PCDHA9: variants seen among roughly 807,000 people sequenced by gnomAD.
PCDHA9 encodes the protein protocadherin alpha 9.
A neutral mutation model predicts 62.0 loss-of-function variants in PCDHA9; 62 were observed. The ratio of observed to expected loss-of-function variants is 1.00; its 90% confidence interval spans 0.81 to 1.23. The LOEUF is 1.23. PCDHA9 is among the 50% of genes most tolerant of loss of function. The pLI is 0.00. For missense variants in PCDHA9, 1,205 were observed against 1,249.8 expected, an observed-to-expected ratio of 0.96 and a Z score of 0.54; for synonymous variants, 557 against 567.6, an observed-to-expected ratio of 0.98 and a Z score of 0.27.
intron 1 of PCDHA9, among the ~76,000 whole-genome samples, chr5:140,978,200 C>T (rs2096792236): frequency 6.6e-6 from 1 of 152,220 alleles, no homozygotes. Context: ...TTTCAATACA[C>T]AACTAATGCA....
chr5:140,853,384 C>G, intron 1 of PCDHA9: 1 of 985,584 alleles, frequency 1.0e-6, no homozygotes, highest in African/African-American at 1.8e-5. Context: ...AAATTCAAAA[C>G]AGCCTGTCAA....
At chr5:140,909,961 A>G (rs1407330494) in intron 1 of PCDHA9, among the ~76,000 whole-genome samples, 2 of 152,206 alleles carry the variant, frequency 1.3e-5, no homozygotes, top group Non-Finnish European at 2.9e-5. Flanking sequence ...GTAGGTCTCC[A>G]TGGGGAAGGA....
At chr5:140,923,664 T>C (rs898223251) in intron 1 of PCDHA9, among the ~76,000 whole-genome samples, 1 of 152,234 alleles carries the variant, frequency 6.6e-6, no homozygotes, top group Non-Finnish European at 1.5e-5. Context: ...CTTTGGGATA[T>C]CGTTCTCTCT....
At chr5:140,965,876 C>T (rs1416182822) in intron 1 of PCDHA9, among the ~76,000 whole-genome samples, 1 of 152,152 alleles carries the variant, frequency 6.6e-6, no homozygotes, top group African/African-American at 2.4e-5. Flanking sequence ...GCCACTTGGC[C>T]GAGAGCAGAA....
rs1366939358 is a variant in PCDHA9, at chr5:140,850,731, G to A, written c.2236G>A (p.Gly746Arg). The A allele has an allele frequency of 1.9e-6, 3 of 1,597,906 alleles. No homozygotes were observed. Among genetic ancestry groups the A allele is most frequent in the Non-Finnish European group, 2.6e-6 (3 of 1,167,644 alleles). The change falls in exon 1 of 4, where the codon GGG becomes AGG. Residue 746 changes from glycine to arginine, a missense_variant. Gly to Arg is a moderately radical substitution (Grantham distance 125, BLOSUM62 -2). Transcript: ENST00000532602. The part of the protein sequence containing the change: ...KPTLVCSSAV[G>R]SWSYSQQRRQ... ...GACGCTGGTGTGTTCTAGCGCGGTG[G>A]GGAGTTGGTCGTACTCGCAGCAGAG...
chr5:141,002,689 T>C (rs2098092113), intron 3 of PCDHA9, among the ~76,000 whole-genome samples: 1 of 152,186 alleles, frequency 6.6e-6, no homozygotes, highest in African/African-American at 2.4e-5. Context: ...GACGTGCAGA[T>C]TTGTTTAACT....
Position 141,000,418 on chromosome 5 carries a change from TA to T in PCDHA9, c.2543-9208del, listed in dbSNP as rs1328416600. 5.1e-3 allele frequency among the ~76,000 whole-genome samples: 429 copies of T among 83,548 alleles called. 3 individuals carry two copies. The highest frequency in any genetic ancestry group is 6.3e-3 in the Non-Finnish European group (284 of 45,190). 54.8% of individuals were successfully genotyped at this position (83,548 alleles called of 152,430 possible). A position where few individuals can be genotyped will look rare whatever the true frequency, so the allele number is the denominator to read the frequency against. ...CTCTATATATATATATATATATATA[TA>T]TATTTTTTTTTTTTTTTTTTTTTTT... On this transcript the variant is annotated intron_variant, in intron 3 of 3. Transcript: ENST00000532602.
chr5:140,982,701 T>C, intron 3 of PCDHA9, 138 bp downstream of exon 3: 1 of 1,383,086 alleles, frequency 7.2e-7, no homozygotes, highest in South Asian at 1.6e-5. Flanking sequence ...CATACATGAT[T>C]TCCTTACATA....
chr5:140,994,568 G>T (rs1240135648), intron 3 of PCDHA9, among the ~76,000 whole-genome samples: 1 of 151,992 alleles, frequency 6.6e-6, no homozygotes, highest in Non-Finnish European at 1.5e-5. Context: ...AGCCGGGTGT[G>T]GTGGCATGCA....
chr5:140,980,490 C>T (rs185528514), intron 2 of PCDHA9, among the ~76,000 whole-genome samples: 39 of 152,096 alleles, frequency 2.6e-4, no homozygotes, highest in Admixed American at 4.6e-4. Context: ...ATTAGCTGGG[C>T]GTGATGGCAT....
chr5:140,876,976 C>A (rs782283591), intron 1 of PCDHA9: 2 of 1,612,586 alleles, frequency 1.2e-6, no homozygotes, highest in Admixed American at 1.7e-5. Context: ...GGTGGGCGAG[C>A]ACGCACTGTC....
intron 1 of PCDHA9, among the ~76,000 whole-genome samples, chr5:140,854,895 C>T (rs565255235): frequency 1.1e-4 from 16 of 149,404 alleles, no homozygotes; most frequent in African/African-American, 3.7e-4. Flanking sequence ...ATTTGAAAAG[C>T]GTAAATATAA....
In PCDHA9 at chr5:140,848,592, T is replaced by C; in HGVS notation, c.97T>C (p.Tyr33His). The C allele has an allele frequency of 6.3e-7, 1 of 1,594,614 alleles. No individual in the cohort carries two copies. The highest frequency in any genetic ancestry group is 8.6e-7 in the Non-Finnish European group (1 of 1,164,738). Residue 33 changes from tyrosine (Y) to histidine (H), a missense_variant, in exon 1 of 4, where the codon TAC (tyrosine) becomes CAC (histidine). Physicochemically the swap from Tyr to His is moderately conservative, Grantham distance 83. This residue lies in a region of PCDHA9 where 208 missense variants were observed against 213.2 expected (regional missense o/e 0.98). Transcript: ENST00000532602. Reference sequence around the variant, plus strand: ...GGTGGTGGGGAGCGGCCAGCTCCACTACTCCGTCCCGGAGGAAGCCGAACA... The same window carrying C: ...GGTGGTGGGGAGCGGCCAGCTCCACCACTCCGTCCCGGAGGAAGCCGAACA... ...MWVVGSGQLH[Y>H]SVPEEAEHGT... is the part of the protein sequence containing the mutation.
At chr5:140,928,890 CTT>C in intron 1 of PCDHA9, 1 of 1,614,182 alleles carries the variant, frequency 6.2e-7, no homozygotes, top group South Asian at 1.1e-5. Context: ...TACTTCCAGA[CTT>C]TGAAGATGTC....
intron 1 of PCDHA9, among the ~76,000 whole-genome samples, chr5:140,917,068 G>A (rs2077864221): frequency 6.6e-6 from 1 of 152,066 alleles, no homozygotes; most frequent in African/African-American, 2.4e-5. Flanking sequence ...CGACAGCACC[G>A]AGTTTAATGT....
intron 1 of PCDHA9, among the ~76,000 whole-genome samples, chr5:140,901,039 A>G (rs1317910770): frequency 4.6e-5 from 7 of 152,086 alleles, no homozygotes; most frequent in Non-Finnish European, 8.8e-5. Flanking sequence ...TCTTTTGCCC[A>G]TTTTAAAATT....
At chr5:140,923,785 C>T (rs2081509867) in intron 1 of PCDHA9, among the ~76,000 whole-genome samples, 1 of 152,156 alleles carries the variant, frequency 6.6e-6, no homozygotes, top group African/African-American at 2.4e-5. Flanking sequence ...ATGGTTTCTT[C>T]ATTCTTTTCA....
Position 140,978,929 on chromosome 5 carries a change from C to T in PCDHA9, c.2395-20C>T. 6.2e-7 allele frequency: 1 copy of T among 1,613,998 alleles called. No homozygotes were observed. Among genetic ancestry groups the T allele is most frequent in the Non-Finnish European group, 8.5e-7 (1 of 1,179,996 alleles). On this transcript the variant is annotated intron_variant, in intron 1 of 3. Coordinates refer to ENST00000532602, the MANE Select transcript of PCDHA9 (RefSeq NM_031857.2). ...ATTGTCTTGTCATTTTAACAGAAAACTCTCTTTGTGATTTTGCAGCCACGA... is the reference window on the plus strand; with the variant it reads ...ATTGTCTTGTCATTTTAACAGAAAATTCTCTTTGTGATTTTGCAGCCACGA...
At chr5:140,854,722 C>G (rs78325333) in intron 1 of PCDHA9, 1 of 149,404 alleles carries the variant, frequency 6.7e-6, no homozygotes, top group African/African-American at 2.5e-5. Flanking sequence ...ACAGAAAACT[C>G]AAGTTTTTTT....
Sources: gnomAD v4.1 joint callset for allele counts (sites outside exome capture counted in the v4.1 genomes callset) on GRCh38, gnomAD v4.1.1 for gene constraint, gnomAD v4.1.1 regional missense constraint, MANE v1.5 for transcripts, NCBI Gene and HGNC (gene_info 2026-07-23, HGNC 2026-07-21) for gene names.